The following RANBP10 variants were observed in gnomAD, a reference collection of about 807,000 sequenced individuals.
The protein encoded by RANBP10 is RAN binding protein 10.
RANBP10 carries 24 observed loss-of-function variants against 72.8 expected under a neutral mutation model. The ratio of observed to expected loss-of-function variants is 0.33; its 90% CI spans 0.24 to 0.46. RANBP10 has a LOEUF of 0.46. RANBP10 is among the 20% of genes least tolerant of loss of function. The pLI, the probability that RANBP10 is intolerant of heterozygous loss-of-function variation, is 1.00. For missense variants in RANBP10, 679 were observed against 817.5 expected (o/e 0.83, Z 2.07); for synonymous variants, 310 against 322.3 (o/e 0.96, Z 0.41).
At position 67,729,790 on chromosome 16, in the gene RANBP10, C is replaced by T. The variant is rs748097049; in HGVS notation, c.1037G>A (p.Ser346Asn). The T allele has an allele frequency of 1.2e-6, 2 of 1,614,146 alleles. No individual in the cohort carries two copies. Among genetic ancestry groups the T allele is most frequent in the South Asian group, 1.1e-5 (1 of 91,076 alleles). ...QFVEMVNGTDSEVRSLSSRSP... is the reference protein window; with the variant it reads ...QFVEMVNGTDNEVRSLSSRSP... ...TCGGGAGCTCAAACTTCGGACCTCA[C>T]TGTCCGTCCCATTCACCATCTCCAC... The change falls in exon 9 of 14, where the codon AGT becomes AAT. Residue 346 changes from serine to asparagine, a missense_variant. By Grantham distance (46) the Ser-to-Asn change is conservative. Transcript: ENST00000317506. The surrounding 1 kb of genome is among the most constrained non-coding windows in gnomAD (Gnocchi z 7.1).
chr16:67,793,023 G>T (rs771643716), intron 2 of RANBP10, among the ~76,000 whole-genome samples: 1 of 152,038 alleles, frequency 6.6e-6, no homozygotes, highest in Non-Finnish European at 1.5e-5. Flanking sequence ...AGAGTCTCAA[G>T]TACCAAACCT....
At chr16:67,788,203 T>C (rs566073897) in intron 2 of RANBP10, among the ~76,000 whole-genome samples, 2 of 152,150 alleles carry the variant, frequency 1.3e-5, no homozygotes, top group Non-Finnish European at 2.9e-5. Context: ...GATTGATTGA[T>C]TGAGATAGAG....
chr16:67,794,930 T>TAA (rs1239858200), intron 2 of RANBP10, among the ~76,000 whole-genome samples: 2,825 of 54,020 alleles, frequency 0.052, 183 homozygotes, highest in African/African-American at 0.15. Flanking sequence ...TGCCTCAAAT[T>TAA]AAAAAAAAAA....
chr16:67,756,262 G>C (rs1047456258), intron 3 of RANBP10, among the ~76,000 whole-genome samples: 4 of 152,226 alleles, frequency 2.6e-5, no homozygotes, highest in African/African-American at 9.6e-5. Flanking sequence ...CTCAGTCCCA[G>C]GCAGTGAGGA....
chr16:67,780,031 A>G (rs2054782060), intron 2 of RANBP10, among the ~76,000 whole-genome samples: 1 of 152,180 alleles, frequency 6.6e-6, no homozygotes, highest in Non-Finnish European at 1.5e-5. Flanking sequence ...CAAGAGATCC[A>G]GACTATCCTG....
chr16:67,795,068 G>T (rs971036752), intron 2 of RANBP10, among the ~76,000 whole-genome samples: 4 of 151,512 alleles, frequency 2.6e-5, no homozygotes, highest in Non-Finnish European at 4.4e-5. Flanking sequence ...TGGGCAAGTG[G>T]TGAAATTCCA....
chr16:67,767,698 G>A (rs1294897946), intron 3 of RANBP10, among the ~76,000 whole-genome samples: 1 of 151,866 alleles, frequency 6.6e-6, no homozygotes, highest in African/African-American at 2.4e-5. Context: ...CCAGGTTCAC[G>A]CCATTCTCCT....
At chr16:67,776,240 A>G (rs1030973267) in intron 2 of RANBP10, among the ~76,000 whole-genome samples, 1 of 151,704 alleles carries the variant, frequency 6.6e-6, no homozygotes, top group African/African-American at 2.4e-5. Flanking sequence ...TCGGCGGATC[A>G]CCTGAGGTCA....
intron 2 of RANBP10, among the ~76,000 whole-genome samples, chr16:67,785,623 G>A (rs2054901158): frequency 6.6e-6 from 1 of 151,422 alleles, no homozygotes; most frequent in South Asian, 2.1e-4. Flanking sequence ...AGCTACTCAG[G>A]AGGCTGAGGC....
At chr16:67,747,748 A>ACCCGCC (rs2054111698) in intron 3 of RANBP10, among the ~76,000 whole-genome samples, 1 of 138,864 alleles carries the variant, frequency 7.2e-6, no homozygotes, top group Non-Finnish European at 1.6e-5. Context: ...CAAATGATCC[A>ACCCGCC]CCCGCCTCGG....
chr16:67,736,172 T>A (rs2143003222), intron 5 of RANBP10, among the ~76,000 whole-genome samples: 1 of 152,254 alleles, frequency 6.6e-6, no homozygotes, highest in South Asian at 2.1e-4. Context: ...TGCACTTTTT[T>A]TTTTTTGAGA....
At position 67,734,855 on chromosome 16, in the gene RANBP10, C is replaced by A; in HGVS notation, c.776+3G>T. On this transcript the variant is annotated splice_donor_region_variant and intron_variant, in intron 6 of 13. Transcript: ENST00000317506. Reference sequence around the variant, plus strand: ...TGGGTAAGGGCAGGAGCAGGGCACTCACTTCTGCAGCACTGCCTGCCACTC... The same window carrying A: ...TGGGTAAGGGCAGGAGCAGGGCACTAACTTCTGCAGCACTGCCTGCCACTC... 6.3e-7 allele frequency: 1 copy of A among 1,580,132 alleles called. No homozygotes were observed. The highest frequency in any genetic ancestry group is 1.7e-5 in the Admixed American group (1 of 58,110).
intron 3 of RANBP10, among the ~76,000 whole-genome samples, chr16:67,747,860 G>A (rs1344675933): frequency 3.7e-5 from 5 of 135,548 alleles, no homozygotes; most frequent in Non-Finnish European, 7.7e-5. Context: ...TCACTCTGTC[G>A]CCCAGGCTGG....
intron 3 of RANBP10, among the ~76,000 whole-genome samples, chr16:67,744,968 C>T (rs987852510): frequency 2.0e-5 from 3 of 151,830 alleles, no homozygotes; most frequent in Admixed American, 6.6e-5. Flanking sequence ...GGACTACAGG[C>T]GCCTGCCACA....
chr16:67,749,677 G>T lies in RANBP10; in HGVS notation c.401-5222C>A, dbSNP rs542631054. On this transcript the variant is annotated intron_variant, in intron 3 of 13. Coordinates refer to ENST00000317506, the MANE Select transcript of RANBP10 (RefSeq NM_020850.3). ...TTGACCTCAGAGAAATAGCTCTTTT[G>T]GGACAGAACAATGCCCATTCCCCAC... Among the ~76,000 whole-genome samples the T allele has an allele frequency of 2.0e-5, 3 of 152,246 alleles. No homozygotes were observed. In the East Asian group the frequency reaches 5.8e-4, roughly 29 times the overall value.
chr16:67,786,899 C>T (rs1031065408), intron 2 of RANBP10, among the ~76,000 whole-genome samples: 6 of 151,416 alleles, frequency 4.0e-5, no homozygotes, highest in African/African-American at 1.5e-4. Flanking sequence ...TGCACTCCAG[C>T]CTGGGGGATA....
Position 67,728,472 on chromosome 16 carries a change from G to A in RANBP10, c.1392C>T (p.Asn464=), listed in dbSNP as rs545448666. 99 of 1,614,180 alleles carry A rather than the reference G, an allele frequency of 6.1e-5. No individual in the cohort carries two copies. The South Asian group carries it at 8.3e-4, about 14-fold the overall frequency. The change falls in exon 11 of 14, where the codon AAC becomes AAT. Residue 464 remains asparagine (N), a synonymous_variant. Coordinates refer to ENST00000317506, the MANE Select transcript of RANBP10 (RefSeq NM_020850.3). ...GTGTGGACATGCTTCCTAGCACACC[G>A]TTGGGGTAGTGCTCTGCCTCCATCT... ...EMEMEAEHYP[N]GVLGSMSTRI... is the part of the protein sequence containing the mutation.
intron 2 of RANBP10, among the ~76,000 whole-genome samples, chr16:67,789,824 C>T (rs963664873): frequency 8.6e-5 from 13 of 151,742 alleles, no homozygotes; most frequent in Admixed American, 2.0e-4. Flanking sequence ...ATGGACTGGG[C>T]GCAGTGGCTC....
intron 2 of RANBP10, among the ~76,000 whole-genome samples, chr16:67,789,148 A>G (rs1350660565): frequency 2.0e-5 from 3 of 148,538 alleles, no homozygotes; most frequent in Admixed American, 1.3e-4. Flanking sequence ...CATCTCTACT[A>G]AAAATACAAA....
Sources: gnomAD v4.1 joint callset for allele counts (sites outside exome capture counted in the v4.1 genomes callset) on GRCh38, gnomAD v4.1.1 for gene constraint, Gnocchi (gnomAD v3.1) non-coding constraint, MANE v1.5 for transcripts, NCBI Gene and HGNC (gene_info 2026-07-23, HGNC 2026-07-21) for gene names.